CHLSN: variants seen among roughly 807,000 people sequenced by gnomAD.
CHLSN encodes cholesin.
the CHLSN span, among the ~76,000 whole-genome samples, chr7:1,086,146 G>C: frequency 6.6e-6 from 1 of 152,276 alleles, no homozygotes; most frequent in African/African-American, 2.4e-5. Flanking sequence ...CAGGGCACGT[G>C]AGTGGAGAGC....
the CHLSN span, among the ~76,000 whole-genome samples, chr7:996,767 G>C: frequency 3.3e-5 from 5 of 152,240 alleles, 1 homozygote; most frequent in East Asian, 1.9e-4. Context: ...GCTTGATTCT[G>C]TGCGGCCTAA....
the CHLSN span, among the ~76,000 whole-genome samples, chr7:1,070,712 A>G: frequency 2.1e-5 from 3 of 139,938 alleles, no homozygotes; most frequent in African/African-American, 5.1e-5. Context: ...GCACATGAAC[A>G]CGCACACGCG....
chr7:984,553 C>T, the CHLSN span: 1 of 1,560,720 alleles, frequency 6.4e-7, no homozygotes, highest in South Asian at 1.2e-5. Flanking sequence ...CGCCATCTTC[C>T]AGCTCATCCA....
the CHLSN span, chr7:988,687 G>A: frequency 3.1e-6 from 5 of 1,600,302 alleles, no homozygotes; most frequent in Middle Eastern, 1.7e-4. Context: ...TCTTCCTGCT[G>A]TTTGCCGGCC....
At chr7:992,625 A>G in the CHLSN span, among the ~76,000 whole-genome samples, 1 of 152,244 alleles carries the variant, frequency 6.6e-6, no homozygotes, top group African/African-American at 2.4e-5. Flanking sequence ...CGGAGTGGGC[A>G]GCCCCCATTA....
the CHLSN span, chr7:986,618 G>A: frequency 6.2e-7 from 1 of 1,612,400 alleles, no homozygotes; most frequent in African/African-American, 1.3e-5. Context: ...CCTGCCTCCT[G>A]CCCAGCTGTT....
chr7:1,058,274 G>A, the CHLSN span: 1 of 772,796 alleles, frequency 1.3e-6, no homozygotes, highest in Admixed American at 1.7e-5. Flanking sequence ...ATCTGATCCT[G>A]CTGGGGCACA....
chr7:997,651 G>A, the CHLSN span: 138 of 1,608,406 alleles, frequency 8.6e-5, no homozygotes, highest in Non-Finnish European at 1.1e-4. Flanking sequence ...AGCACCTGTC[G>A]GATGCGCTGG....
At chr7:988,948 C>T in the CHLSN span, 2 of 631,566 alleles carry the variant, frequency 3.2e-6, no homozygotes, top group Non-Finnish European at 5.4e-6. Context: ...CACCCTCACC[C>T]CCACCCCCAC....
the CHLSN span, among the ~76,000 whole-genome samples, chr7:1,053,302 G>A: frequency 6.6e-6 from 1 of 152,262 alleles, no homozygotes; most frequent in Non-Finnish European, 1.5e-5. Flanking sequence ...ACGCAGGTGT[G>A]GCGACGGCGG....
the CHLSN span, chr7:986,514 C>A: frequency 1.5e-6 from 2 of 1,295,686 alleles, no homozygotes; most frequent in Non-Finnish European, 2.2e-6. Context: ...TCCAGCACAT[C>A]CACCCAGAGT....
chr7:1,114,493 C>G, the CHLSN span, among the ~76,000 whole-genome samples: 1 of 152,242 alleles, frequency 6.6e-6, no homozygotes, highest in South Asian at 2.1e-4. Flanking sequence ...CTGGTCAAGT[C>G]CCCGGCAGCC....
chr7:1,068,240 C>A, the CHLSN span, among the ~76,000 whole-genome samples: 2 of 152,270 alleles, frequency 1.3e-5, no homozygotes, highest in South Asian at 4.1e-4. Flanking sequence ...AGTTTCCCCT[C>A]GTGGTGCTCA....
At chr7:1,093,849 G>T in the CHLSN span, 1 of 362,952 alleles carries the variant, frequency 2.8e-6, no homozygotes. Flanking sequence ...TGCCAAGTGG[G>T]GTGGGACGTG....
chr7:1,125,981 A>C, the CHLSN span, among the ~76,000 whole-genome samples: 2 of 152,210 alleles, frequency 1.3e-5, no homozygotes, highest in Admixed American at 1.3e-4. Context: ...TGGGTCAAAA[A>C]ATTTTTTATA....
the CHLSN span, among the ~76,000 whole-genome samples, chr7:1,117,590 T>C: frequency 0.017 from 1,731 of 103,656 alleles, 74 homozygotes; most frequent in East Asian, 0.16. Context: ...TACAGCTCTA[T>C]GGACCGGCTT....
chr7:1,016,699 C>CAG, the CHLSN span, among the ~76,000 whole-genome samples: 1 of 70,660 alleles, frequency 1.4e-5, no homozygotes, highest in African/African-American at 8.4e-5. Context: ...CAGCGCATGC[C>CAG]AGCACACGCC....
the CHLSN span, among the ~76,000 whole-genome samples, chr7:1,040,186 A>T: frequency 2.2e-4 from 13 of 59,510 alleles, no homozygotes; most frequent in Admixed American, 8.5e-4. Context: ...ATAAATTTAA[A>T]AAAAAAAAAA....
chr7:1,040,837 C>A, the CHLSN span, among the ~76,000 whole-genome samples: 4 of 152,222 alleles, frequency 2.6e-5, no homozygotes, highest in South Asian at 8.3e-4. Context: ...AAAAGCCTAG[C>A]GTCTAGAACA....
Sources: gnomAD v4.1 joint callset for allele counts (sites outside exome capture counted in the v4.1 genomes callset) on GRCh38, gnomAD v4.1.1 for gene constraint, MANE v1.5 for transcripts, NCBI Gene and HGNC (gene_info 2026-07-23, HGNC 2026-07-21) for gene names.